ARHGAP31: variants seen among roughly 807,000 people sequenced by gnomAD.
The protein encoded by ARHGAP31 is Rho GTPase activating protein 31, also known as rho GTPase-activating protein 31.
ARHGAP31 carries 34 observed loss-of-function variants against 113.9 expected under a neutral mutation model. The ratio of observed to expected loss-of-function variants is 0.30; its 90% CI spans 0.23 to 0.40. ARHGAP31 has a LOEUF of 0.40. Among genes scored for constraint, ARHGAP31 ranks in the 10% least tolerant of loss-of-function variants. ARHGAP31 has a pLI of 1.00. For missense variants in ARHGAP31, 1,548 were observed against 1,767.1 expected, an observed-to-expected ratio of 0.88 and a Z score of 2.22; for synonymous variants, 650 against 684.8, an observed-to-expected ratio of 0.95 and a Z score of 0.79.
chr3:119,412,280 T>A (rs2080722770), intron 11 of ARHGAP31, among the ~76,000 whole-genome samples: 1 of 151,430 alleles, frequency 6.6e-6, no homozygotes. Context: ...CCCAGCTACT[T>A]GGGAGGCTGA....
At chr3:119,410,796 G>A (rs142475292) in intron 11 of ARHGAP31, among the ~76,000 whole-genome samples, 1 of 152,238 alleles carries the variant, frequency 6.6e-6, no homozygotes, top group Admixed American at 6.5e-5. Flanking sequence ...TCACTGTAGT[G>A]AACAAGGCTT....
intron 10 of ARHGAP31, among the ~76,000 whole-genome samples, chr3:119,404,157 T>G (rs1181022915): frequency 1.3e-5 from 2 of 151,030 alleles, no homozygotes; most frequent in Admixed American, 1.3e-4. Flanking sequence ...GGGGAGGGAG[T>G]GAAGGCTTTG....
intron 1 of ARHGAP31, among the ~76,000 whole-genome samples, chr3:119,332,000 T>G (rs932948242): frequency 2.0e-5 from 3 of 152,196 alleles, no homozygotes; most frequent in Non-Finnish European, 4.4e-5. Flanking sequence ...ATTTCTGTCT[T>G]TGGGTCCTGT....
chr3:119,349,401 G>C (rs2080090758), intron 1 of ARHGAP31, among the ~76,000 whole-genome samples: 1 of 152,140 alleles, frequency 6.6e-6, no homozygotes, highest in African/African-American at 2.4e-5. Context: ...AAAAGCCCTA[G>C]GGAGGACTTC....
chr3:119,395,986 G>A (rs2080547538), intron 8 of ARHGAP31, among the ~76,000 whole-genome samples: 1 of 152,184 alleles, frequency 6.6e-6, no homozygotes, highest in African/African-American at 2.4e-5. Context: ...TCTATGAAAA[G>A]AGATTTGCTT....
intron 1 of ARHGAP31, among the ~76,000 whole-genome samples, chr3:119,338,736 A>G (rs2079980914): frequency 6.6e-6 from 1 of 152,232 alleles, no homozygotes; most frequent in African/African-American, 2.4e-5. Flanking sequence ...GCAAAATCAG[A>G]AAATACCAAT....
chr3:119,337,149 T>C (rs776996966), intron 1 of ARHGAP31, among the ~76,000 whole-genome samples: 2 of 152,232 alleles, frequency 1.3e-5, no homozygotes, highest in South Asian at 2.1e-4. Flanking sequence ...ACTTCAAGAA[T>C]GAAGCCGCGG....
chr3:119,365,608 T>G (rs1259904497), intron 2 of ARHGAP31, among the ~76,000 whole-genome samples, 190 bp downstream of exon 2: 1 of 152,268 alleles, frequency 6.6e-6, no homozygotes, highest in African/African-American at 2.4e-5. Flanking sequence ...TCCAGCCTGA[T>G]GTAATTCTTT....
chr3:119,329,482 C>T (rs548866463), intron 1 of ARHGAP31, among the ~76,000 whole-genome samples: 91 of 152,212 alleles, frequency 6.0e-4, no homozygotes, highest in Non-Finnish European at 1.1e-3. Context: ...ATGCTTGTTG[C>T]AATGGATCTA....
chr3:119,380,123 C>T (rs925271002), intron 3 of ARHGAP31, among the ~76,000 whole-genome samples: 2 of 152,194 alleles, frequency 1.3e-5, no homozygotes, highest in African/African-American at 4.8e-5. Context: ...ACAAAATACC[C>T]ATACAGCAAA....
intron 1 of ARHGAP31, among the ~76,000 whole-genome samples, chr3:119,303,623 A>G (rs1182672111): frequency 6.6e-6 from 1 of 152,166 alleles, no homozygotes; most frequent in African/African-American, 2.4e-5. Flanking sequence ...CCCTCCCCTC[A>G]AAAGCAACAT....
chr3:119,313,155 T>A (rs2079697441), intron 1 of ARHGAP31, among the ~76,000 whole-genome samples: 2 of 152,232 alleles, frequency 1.3e-5, no homozygotes, highest in African/African-American at 2.4e-5. Context: ...ACATTATTGT[T>A]GTTTAAAATG....
intron 9 of ARHGAP31, among the ~76,000 whole-genome samples, chr3:119,400,010 G>C (rs1234925450): frequency 1.3e-5 from 2 of 152,212 alleles, no homozygotes; most frequent in Non-Finnish European, 2.9e-5. Flanking sequence ...TCTGGCAACA[G>C]ACTGTTAAAA....
At chr3:119,323,891 T>C (rs1222826703) in intron 1 of ARHGAP31, among the ~76,000 whole-genome samples, 1 of 152,242 alleles carries the variant, frequency 6.6e-6, no homozygotes, top group Non-Finnish European at 1.5e-5. Context: ...ATCAGGCTGT[T>C]AACGCGGTTT....
chr3:119,360,763 G>A (rs2080198952), intron 1 of ARHGAP31, among the ~76,000 whole-genome samples: 1 of 152,114 alleles, frequency 6.6e-6, no homozygotes, highest in African/African-American at 2.4e-5. Context: ...TTTGTGCTCA[G>A]ATTAAAATTT....
Position 119,294,672 on chromosome 3 carries a change from T to C in ARHGAP31, c.-233T>C. The stretch of plus-strand genomic sequence containing the variant: ...AGGCGAGCCGGCCCGCGGCTGCCAG[T>C]CTGCACGGCCTCGGCACGGCGGCCC... On this transcript the variant is annotated 5_prime_UTR_variant, in exon 1 of 12. Transcript: ENST00000264245. 1.7e-6 allele frequency: 1 copy of C among 575,626 alleles called. No homozygotes were observed. Among genetic ancestry groups the C allele is most frequent in the Non-Finnish European group, 3.0e-6 (1 of 329,516 alleles). 35.7% of individuals were successfully genotyped at this position (575,626 alleles called of 1,614,324 possible).
chr3:119,317,094 A>AT (rs1559964414), intron 1 of ARHGAP31, among the ~76,000 whole-genome samples: 1 of 152,062 alleles, frequency 6.6e-6, no homozygotes, highest in Non-Finnish European at 1.5e-5. Context: ...AGCCATGTGT[A>AT]TTTTTGTTTG....
chr3:119,407,355 A>AAAAGAAAG (rs35004138), intron 10 of ARHGAP31, among the ~76,000 whole-genome samples: 4 of 135,724 alleles, frequency 2.9e-5, no homozygotes, highest in South Asian at 2.2e-4. Flanking sequence ...TCGAAAAAAA[A>AAAAGAAAG]AAAGAAAGAA....
At chr3:119,299,594 T>A (rs2079562402) in intron 1 of ARHGAP31, among the ~76,000 whole-genome samples, 1 of 152,242 alleles carries the variant, frequency 6.6e-6, no homozygotes, top group African/African-American at 2.4e-5. Context: ...TTTCTGAGGC[T>A]AAATGATTCT....
Sources: gnomAD v4.1 joint callset for allele counts (sites outside exome capture counted in the v4.1 genomes callset) on GRCh38, gnomAD v4.1.1 for gene constraint, MANE v1.5 for transcripts, NCBI Gene and HGNC (gene_info 2026-07-23, HGNC 2026-07-21) for gene names.